SNX13: variants seen among roughly 807,000 people sequenced by gnomAD.
SNX13 encodes the protein sorting nexin 13, also known as sorting nexin-13.
In SNX13, 45 loss-of-function variants were observed where a neutral mutation model predicts 133.6. The observed-to-expected ratio is 0.34, with a 90% CI of 0.27 to 0.43. SNX13 has a LOEUF of 0.43. SNX13 is among the 20% of genes least tolerant of loss of function. SNX13 has a pLI of 1.00. For missense variants in SNX13, 1,032 were observed against 1,145.1 expected, an observed-to-expected ratio of 0.90 and a Z score of 1.43; for synonymous variants, 414 against 373.9, an observed-to-expected ratio of 1.11 and a Z score of -1.24.
intron 15 of SNX13, chr7:17,831,015 G>T: frequency 1.0e-6 from 1 of 984,378 alleles, no homozygotes; most frequent in Non-Finnish European, 1.2e-6. Flanking sequence ...ATCCCTTGGT[G>T]ATACTTAAAA....
intron 1 of SNX13, chr7:17,900,194 G>A (rs1797667120): frequency 6.6e-6 from 1 of 152,274 alleles, no homozygotes; most frequent in Non-Finnish European, 1.5e-5. Flanking sequence ...GAGTTGTGTG[G>A]AGCTGGGAGA....
intron 22 of SNX13, among the ~76,000 whole-genome samples, chr7:17,801,359 C>T (rs781489543): frequency 1.1e-4 from 17 of 151,360 alleles, no homozygotes; most frequent in Non-Finnish European, 2.2e-4. Flanking sequence ...TTGGTGGAGG[C>T]GAAGGTCCTA....
chr7:17,908,175 C>T (rs996702044), intron 1 of SNX13, among the ~76,000 whole-genome samples: 4 of 152,136 alleles, frequency 2.6e-5, no homozygotes, highest in African/African-American at 7.2e-5. Flanking sequence ...CTTGGATTAT[C>T]CTCTTGGAAT....
intron 17 of SNX13, among the ~76,000 whole-genome samples, chr7:17,824,156 A>C (rs1787611799): frequency 6.6e-6 from 1 of 152,098 alleles, no homozygotes; most frequent in Non-Finnish European, 1.5e-5. Flanking sequence ...TCTGCAAACT[A>C]TTTGCTAGTA....
rs139645493 is a variant in SNX13 at position 17,932,244 on chromosome 7, T to C, written c.12+8040A>G. ...ATCCAAGTCCCTCTTGCATTTATAA[T>C]TGGTTATATCAAAGTAACAACCTAA... On this transcript the variant is annotated intron_variant, in intron 1 of 25. Transcript: ENST00000428135. Among the ~76,000 whole-genome samples the C allele has an allele frequency of 4.9e-3, 746 of 152,316 alleles. 5 individuals are homozygous for C. The highest frequency in any genetic ancestry group is 0.017 in the African/African-American group (718 of 41,570).
intron 1 of SNX13, among the ~76,000 whole-genome samples, chr7:17,934,596 T>C (rs1207860121): frequency 6.6e-6 from 1 of 152,226 alleles, no homozygotes; most frequent in Admixed American, 6.5e-5. Context: ...AGAGCTGGGA[T>C]ACACTTTTCC....
rs376886359 is a variant in SNX13, at chr7:17,830,847, T to C, written c.1598-800A>G. ...TTTCGAGCACTTAAGAGGTTATATA[T>C]GAATTTGGTTCTCTAAATGGGTCTT... On this transcript the variant is annotated intron_variant, in intron 15 of 25. Coordinates refer to ENST00000428135, the MANE Select transcript of SNX13 (RefSeq NM_015132.5). The C allele has an allele frequency of 3.8e-5, 37 of 984,316 alleles. No individual in the cohort carries two copies. In the African/African-American group the frequency reaches 6.1e-4, roughly 16 times the overall value. The allele number at this position is 984,316 out of a possible 1,614,324, so 61.0% of individuals were successfully genotyped here.
intron 5 of SNX13, chr7:17,880,569 C>T (rs1795223470): frequency 6.6e-6 from 1 of 152,170 alleles, no homozygotes; most frequent in South Asian, 2.1e-4. Context: ...AGGTATCACA[C>T]AACTGACTTT....
At chr7:17,910,466 G>A (rs1226106369) in intron 1 of SNX13, among the ~76,000 whole-genome samples, 1 of 152,146 alleles carries the variant, frequency 6.6e-6, no homozygotes, top group Non-Finnish European at 1.5e-5. Context: ...CAAAATGGAG[G>A]TATGTACAAT....
At chr7:17,805,258 C>CGCGT (rs1562663451) in intron 20 of SNX13, among the ~76,000 whole-genome samples, 2 of 80,500 alleles carry the variant, frequency 2.5e-5, no homozygotes, top group Non-Finnish European at 5.0e-5. Flanking sequence ...TGTGCGTGCG[C>CGCGT]GCGCGCGCAT....
intron 1 of SNX13, among the ~76,000 whole-genome samples, chr7:17,902,362 C>T (rs1375490908): frequency 6.7e-6 from 1 of 149,988 alleles, no homozygotes; most frequent in Non-Finnish European, 1.5e-5. Flanking sequence ...AAGTGCAGTG[C>T]TAATTTGCTT....
At chr7:17,863,271 G>GT (rs1482830852) in intron 9 of SNX13, among the ~76,000 whole-genome samples, 1 of 152,164 alleles carries the variant, frequency 6.6e-6, no homozygotes, top group African/African-American at 2.4e-5. Context: ...TGCAGTCCTA[G>GT]GGCAAGCCCT....
chr7:17,887,116 T>C (rs915855955), intron 5 of SNX13, among the ~76,000 whole-genome samples: 5 of 152,180 alleles, frequency 3.3e-5, no homozygotes, highest in African/African-American at 1.2e-4. Flanking sequence ...GTCAAGTGAT[T>C]TGCTAAAAAT....
chr7:17,913,426 T>C (rs938284024), intron 1 of SNX13, among the ~76,000 whole-genome samples: 1 of 152,100 alleles, frequency 6.6e-6, no homozygotes, highest in Non-Finnish European at 1.5e-5. Flanking sequence ...TGGAGCACTT[T>C]TCAGGCTTCT....
chr7:17,797,344 G>A (rs1228915288), intron 24 of SNX13, among the ~76,000 whole-genome samples: 1 of 151,720 alleles, frequency 6.6e-6, no homozygotes, highest in African/African-American at 2.4e-5. Context: ...CTTCAGTTAT[G>A]CCATCCCACT....
chr7:17,834,817 C>T lies in SNX13; in HGVS notation c.1408G>A (p.Asp470Asn). The T allele has an allele frequency of 6.2e-7, 1 of 1,610,170 alleles. No individual in the cohort carries two copies. Among genetic ancestry groups the T allele is most frequent in the South Asian group, 1.1e-5 (1 of 90,884 alleles). Residue 470 changes from aspartate (D) to asparagine (N), a missense_variant, in exon 14 of 26, where the codon GAT becomes AAT. Asp to Asn is a conservative substitution (Grantham distance 23). Coordinates refer to ENST00000428135, the MANE Select transcript of SNX13 (RefSeq NM_015132.5). ...VDDYLVAKLA[D>N]TLNHEDPTPE... is the part of the protein sequence containing the mutation. Reference sequence around the variant, plus strand: ...GTTGGATCTTCATGATTCAAAGTATCTGCTAATTTTGCTACTAAATAGTCA... The same window carrying T: ...GTTGGATCTTCATGATTCAAAGTATTTGCTAATTTTGCTACTAAATAGTCA...
In SNX13 at chr7:17,891,614, C is replaced by T. The variant is rs567764655; in HGVS notation, c.250G>A (p.Glu84Lys). The T allele has an allele frequency of 2.5e-6, 4 of 1,612,084 alleles. No homozygotes were observed. The African/African-American group carries it at 4.0e-5, about 16-fold the overall frequency. Residue 84 changes from glutamate (E) to lysine (K), a missense_variant, in exon 4 of 26, where the codon GAA (glutamate) becomes AAA (lysine). Glu to Lys is a moderately conservative substitution (Grantham distance 56). Coordinates refer to ENST00000428135, the MANE Select transcript of SNX13 (RefSeq NM_015132.5). ...VPKCLEEMKR[E>K]ARTIKIDRRL... ...CTATCAATCTTAATAGTCCTGGCTT[C>T]CCGTTTCATTTCTTCTAAGCACTTA...
Position 17,791,150 on chromosome 7 carries a change from C to G in SNX13, c.*2895G>C, listed in dbSNP as rs1311968862. 6.6e-6 allele frequency: 1 copy of G among 151,908 alleles called. No homozygotes were observed. The highest frequency in any genetic ancestry group is 1.5e-5 in the Non-Finnish European group (1 of 67,888). 9.4% of individuals were successfully genotyped at this position (151,908 alleles called of 1,614,324 possible). A position where few individuals can be genotyped will look rare whatever the true frequency, so the allele number is the denominator to read the frequency against. On this transcript the variant is annotated 3_prime_UTR_variant, in exon 26 of 26. Transcript: ENST00000428135. ...TGTTGGATTAAGAAGACAGTTTAAG[C>G]TACATCTCAAAAAATTAAAAATTCA...
At chr7:17,846,046 G>A (rs747531984) in intron 11 of SNX13, among the ~76,000 whole-genome samples, 19 of 151,998 alleles carry the variant, frequency 1.3e-4, no homozygotes, top group Non-Finnish European at 2.8e-4. Context: ...ATATACGCAA[G>A]AATTTTAAAA....
Sources: gnomAD v4.1 joint callset for allele counts (sites outside exome capture counted in the v4.1 genomes callset) on GRCh38, gnomAD v4.1.1 for gene constraint, MANE v1.5 for transcripts, NCBI Gene and HGNC (gene_info 2026-07-23, HGNC 2026-07-21) for gene names.